Variants in NCALD observed in about 807,000 individuals in gnomAD.
The protein encoded by NCALD is neurocalcin-delta.
A neutral mutation model predicts 18.6 loss-of-function variants in NCALD; 10 were observed. That is an observed-to-expected ratio of 0.54 (90% confidence interval 0.33 to 0.91). The LOEUF (loss-of-function observed/expected upper bound fraction) is 0.91, where lower values mean the gene tolerates loss of function less well. Among genes scored for constraint, NCALD ranks in the 40% least tolerant of loss-of-function variants. The pLI is 0.03. For synonymous variants in NCALD, 88 were observed against 87.4 expected, an observed-to-expected ratio of 1.01 and a Z score of -0.04; for missense variants, 184 against 247.6, an observed-to-expected ratio of 0.74 and a Z score of 1.72.
At chr8:101,970,438 A>G (rs1055005533) in intron 2 of NCALD, among the ~76,000 whole-genome samples, 1 of 152,156 alleles carries the variant, frequency 6.6e-6, no homozygotes, top group African/African-American at 2.4e-5. Context: ...CCTGGAAGGC[A>G]GATTTCTACC....
intron 2 of NCALD, among the ~76,000 whole-genome samples, chr8:101,982,574 C>T (rs185151881): frequency 1.3e-5 from 2 of 152,278 alleles, no homozygotes; most frequent in East Asian, 3.9e-4. Flanking sequence ...GGCATGGTGG[C>T]TCATGCCTGT....
chr8:102,022,647 CAA>C (rs1822315482), intron 1 of NCALD, among the ~76,000 whole-genome samples: 1 of 152,144 alleles, frequency 6.6e-6, no homozygotes, highest in African/African-American at 2.4e-5. Context: ...CCAGCAGGAG[CAA>C]AGCAAAGGCT....
At chr8:101,752,197 C>T (rs1810688120) in intron 1 of NCALD, among the ~76,000 whole-genome samples, 1 of 152,116 alleles carries the variant, frequency 6.6e-6, no homozygotes, top group South Asian at 2.1e-4. Context: ...AAAAATGCAA[C>T]TTCCAGCTAT....
chr8:101,928,139 T>A (rs559955305), intron 2 of NCALD, among the ~76,000 whole-genome samples: 1 of 152,174 alleles, frequency 6.6e-6, no homozygotes, highest in East Asian at 1.9e-4. Context: ...AGAACTTAAT[T>A]AAATAACTAA....
At chr8:101,690,601 A>G (rs1209283610) in intron 3 of NCALD, 1 of 985,224 alleles carries the variant, frequency 1.0e-6, no homozygotes, top group Non-Finnish European at 1.2e-6. Context: ...CAACAAACAT[A>G]TCTTCTCCTC....
chr8:102,065,184 G>A (rs1040882820), intron 1 of NCALD, among the ~76,000 whole-genome samples: 2 of 152,024 alleles, frequency 1.3e-5, no homozygotes, highest in African/African-American at 2.4e-5. Context: ...AATGCTGAGC[G>A]GCTGCAACAG....
At chr8:101,988,721 C>T (rs908202455) in intron 2 of NCALD, among the ~76,000 whole-genome samples, 1 of 151,930 alleles carries the variant, frequency 6.6e-6, no homozygotes, top group Non-Finnish European at 1.5e-5. Flanking sequence ...TCTTGCTTAC[C>T]AAGTCAGCTT....
intron 4 of NCALD, among the ~76,000 whole-genome samples, chr8:101,801,958 G>A (rs764966559): frequency 1.3e-5 from 2 of 151,948 alleles, no homozygotes; most frequent in African/African-American, 2.4e-5. Flanking sequence ...GAACCACCGC[G>A]CCCGGCCAGC....
intron 1 of NCALD, among the ~76,000 whole-genome samples, chr8:101,785,110 CAATTTGTTT>C (rs1812171606): frequency 6.6e-6 from 1 of 152,172 alleles, no homozygotes; most frequent in Non-Finnish European, 1.5e-5. Flanking sequence ...TGACACTCAG[CAATTTGTTT>C]AAGCTCTCTG....
At chr8:101,742,752 T>C (rs1198170887) in intron 1 of NCALD, among the ~76,000 whole-genome samples, 1 of 152,210 alleles carries the variant, frequency 6.6e-6, no homozygotes, top group African/African-American at 2.4e-5. Flanking sequence ...GGTGGTCTGC[T>C]GTGCCTGTCA....
intron 1 of NCALD, among the ~76,000 whole-genome samples, chr8:102,106,364 A>G (rs1394220365): frequency 6.6e-6 from 1 of 151,724 alleles, no homozygotes; most frequent in Non-Finnish European, 1.5e-5. Flanking sequence ...GTGAGCCACC[A>G]TACCTGGCGG....
intron 4 of NCALD, among the ~76,000 whole-genome samples, chr8:101,861,938 T>C (rs1283660339): frequency 6.6e-6 from 1 of 152,226 alleles, no homozygotes; most frequent in African/African-American, 2.4e-5. Flanking sequence ...AAATAGAAGA[T>C]ACATTTCCTT....
chr8:101,784,215 G>A (rs1354670633), intron 1 of NCALD, among the ~76,000 whole-genome samples: 1 of 152,086 alleles, frequency 6.6e-6, no homozygotes, highest in Middle Eastern at 3.2e-3. Flanking sequence ...GCCAGTTGAT[G>A]CTGGATGTCG....
intron 1 of NCALD, among the ~76,000 whole-genome samples, chr8:102,086,377 T>A (rs981086703): frequency 2.0e-5 from 3 of 152,196 alleles, no homozygotes; most frequent in African/African-American, 7.2e-5. Flanking sequence ...GGCCTCTTAT[T>A]CCCAATGAAT....
intron 1 of NCALD, among the ~76,000 whole-genome samples, chr8:102,027,623 G>A (rs1822506750): frequency 6.6e-6 from 1 of 152,110 alleles, no homozygotes. Flanking sequence ...TTTCCAAAGT[G>A]GTTCCCTCAT....
chr8:101,714,113 T>C (rs1414989913), intron 2 of NCALD, among the ~76,000 whole-genome samples: 1 of 152,218 alleles, frequency 6.6e-6, no homozygotes, highest in African/African-American at 2.4e-5. Context: ...ACCATTCCTG[T>C]TCAACATAGT....
intron 1 of NCALD, among the ~76,000 whole-genome samples, chr8:101,733,771 C>T (rs1470915695): frequency 6.6e-6 from 1 of 152,186 alleles, no homozygotes; most frequent in Non-Finnish European, 1.5e-5. Flanking sequence ...CCTCAGATTG[C>T]TAGCCAGGGG....
intron 4 of NCALD, among the ~76,000 whole-genome samples, chr8:101,825,712 C>A (rs1005509548): frequency 6.6e-5 from 10 of 152,176 alleles, no homozygotes; most frequent in Non-Finnish European, 1.3e-4. Flanking sequence ...GTTCCCTTGA[C>A]TTAAAGCAGG....
intron 4 of NCALD, among the ~76,000 whole-genome samples, chr8:101,798,739 C>G (rs965247705): frequency 6.6e-6 from 1 of 152,166 alleles, no homozygotes; most frequent in Non-Finnish European, 1.5e-5. Flanking sequence ...AGCCATCAGT[C>G]TAGCTGATTT....
Sources: allele counts gnomAD v4.1 joint callset (sites outside exome capture counted in the v4.1 genomes callset), GRCh38; gene constraint gnomAD v4.1.1; transcripts MANE v1.5; gene names NCBI Gene and HGNC (gene_info 2026-07-23, HGNC 2026-07-21).